CDH23: variants seen among roughly 807,000 people sequenced by gnomAD.
The protein encoded by CDH23 is cadherin-23.
Under a neutral mutation model 317.1 loss-of-function variants are expected in CDH23, and 189 were observed. The observed-to-expected ratio is 0.60, with a 90% CI of 0.53 to 0.67. CDH23 has a LOEUF of 0.67. Among genes scored for constraint, CDH23 ranks in the 30% least tolerant of loss-of-function variants. The probability of loss-of-function intolerance (pLI) is 0.00; values close to 1 mark genes in which losing one functional copy is unlikely to be tolerated. For synonymous variants in CDH23, 1,839 were observed against 1,876.8 expected (o/e 0.98, Z 0.52); for missense variants, 4,401 against 4,592.4 (o/e 0.96, Z 1.20).
intron 3 of CDH23, among the ~76,000 whole-genome samples, chr10:71,498,561 T>C (rs1853101323): frequency 6.6e-6 from 1 of 152,224 alleles, no homozygotes; most frequent in African/African-American, 2.4e-5. Flanking sequence ...TGTTTTATCA[T>C]CAGTGCCTAC....
intron 12 of CDH23, among the ~76,000 whole-genome samples, chr10:71,645,270 C>T (rs1862779828): frequency 6.6e-6 from 1 of 152,222 alleles, no homozygotes; most frequent in Non-Finnish European, 1.5e-5. Flanking sequence ...GATCCCTGGC[C>T]ATTCACATTG....
chr10:71,619,070 C>G (rs913018848), intron 11 of CDH23, among the ~76,000 whole-genome samples: 1 of 152,142 alleles, frequency 6.6e-6, no homozygotes, highest in African/African-American at 2.4e-5. Context: ...CACAGTGGCT[C>G]ACACCTGTAG....
chr10:71,466,750 C>T (rs982453501), intron 3 of CDH23, among the ~76,000 whole-genome samples: 1 of 152,194 alleles, frequency 6.6e-6, no homozygotes, highest in Admixed American at 6.5e-5. Flanking sequence ...AAACACACCT[C>T]TGCCTTCTTG....
At chr10:71,609,605 ACT>A (rs1192062185) in intron 9 of CDH23, among the ~76,000 whole-genome samples, 1 of 151,722 alleles carries the variant, frequency 6.6e-6, no homozygotes, top group Non-Finnish European at 1.5e-5. Flanking sequence ...TCCTTCCCTG[ACT>A]CTGGGCACCC....
intron 38 of CDH23, chr10:71,755,004 G>T: frequency 2.2e-6 from 1 of 450,632 alleles, no homozygotes; most frequent in South Asian, 1.6e-5. Flanking sequence ...TACAAAACAA[G>T]CACGCCCATA....
intron 38 of CDH23, among the ~76,000 whole-genome samples, chr10:71,770,569 C>A (rs1312324447): frequency 6.6e-6 from 1 of 152,236 alleles, no homozygotes. Context: ...GGAGACCAGA[C>A]TGACCCTGGG....
At chr10:71,803,916 C>T (rs1461695418) in intron 55 of CDH23, among the ~76,000 whole-genome samples, 2 of 145,576 alleles carry the variant, frequency 1.4e-5, no homozygotes, top group Non-Finnish European at 3.0e-5. Flanking sequence ...ACCCGGGAGA[C>T]GGAGGTTGCA....
chr10:71,440,161 G>T (rs1366777929), intron 2 of CDH23, among the ~76,000 whole-genome samples: 1 of 152,208 alleles, frequency 6.6e-6, no homozygotes, highest in Non-Finnish European at 1.5e-5. Flanking sequence ...AGCTCTAAGG[G>T]AAGGAGGCAC....
rs1270911127 is a variant in CDH23, at chr10:71,560,374, C to T, written c.430-6368C>T. Among the ~76,000 whole-genome samples the T allele has an allele frequency of 2.0e-5, 3 of 152,086 alleles. No individual in the cohort carries two copies. In the East Asian group the frequency reaches 5.8e-4, roughly 29 times the overall value. ...TTCCTAAGCTCTTTTTTGGCTACAG[C>T]TCCCCACCAAACCTCTGTTCTCTTA... On this transcript the variant is annotated intron_variant, in intron 6 of 69. Transcript: ENST00000224721.
chr10:71,568,709 G>C (rs1857558309), intron 7 of CDH23, among the ~76,000 whole-genome samples: 1 of 152,178 alleles, frequency 6.6e-6, no homozygotes, highest in Non-Finnish European at 1.5e-5. Flanking sequence ...TTCTCGGCCT[G>C]GCATTGCGGG....
At position 71,511,134 on chromosome 10, in the gene CDH23, G is replaced by A. The variant is rs1222740552; in HGVS notation, c.351G>A (p.Lys117=). The change falls in exon 6 of 70, where the codon AAG becomes AAA. Residue 117 remains lysine, a synonymous_variant. Transcript: ENST00000224721. The part of the protein sequence containing the change: ...VSDHQGVITR[K]VNIQVGDVND... The stretch of plus-strand genomic sequence containing the variant: ...TCTCTTGCCAGGTGATCACACGGAA[G>A]GTGAACATCCAGGTTGGGGATGTGA... The A allele has an allele frequency of 1.2e-6, 2 of 1,613,542 alleles. No individual in the cohort carries two copies. The highest frequency in any genetic ancestry group is 1.7e-5 in the Admixed American group (1 of 60,008).
intron 31 of CDH23, among the ~76,000 whole-genome samples, chr10:71,731,501 G>A (rs994735140): frequency 1.3e-5 from 2 of 152,178 alleles, no homozygotes; most frequent in African/African-American, 4.8e-5. Flanking sequence ...TGAATGGTTT[G>A]TTTCAAGGCA....
In CDH23 at chr10:71,813,396, GA is replaced by G. The variant is rs1378921514; in HGVS notation, c.9738+49del. Reference sequence around the variant, plus strand: ...GCTGTGTGCTGTGCCCCAGCCTGGGGATGCTCTCTGTCTCTTGCTGTCCTGC... The same window carrying G: ...GCTGTGTGCTGTGCCCCAGCCTGGGGTGCTCTCTGTCTCTTGCTGTCCTGC... On this transcript the variant is annotated intron_variant, in intron 69 of 69. Coordinates refer to ENST00000224721, the MANE Select transcript of CDH23 (RefSeq NM_022124.6). 2.7e-6 allele frequency: 4 copies of G among 1,456,648 alleles called. No individual in the cohort carries two copies. The Admixed American group carries it at 7.9e-5, about 29-fold the overall frequency. The allele number at this position is 1,456,648 out of a possible 1,614,324, so 90.2% of individuals were successfully genotyped here. A position where few individuals can be genotyped will look rare whatever the true frequency, so the allele number is the denominator to read the frequency against.
intron 9 of CDH23, among the ~76,000 whole-genome samples, chr10:71,612,094 T>C (rs1206639089): frequency 6.6e-6 from 1 of 152,138 alleles, no homozygotes; most frequent in African/African-American, 2.4e-5. Context: ...TCTCACTGAG[T>C]CAGTCCTCTC....
At chr10:71,631,679 C>T (rs751744759) in intron 11 of CDH23, among the ~76,000 whole-genome samples, 2 of 152,184 alleles carry the variant, frequency 1.3e-5, no homozygotes, top group African/African-American at 2.4e-5. Context: ...TCCTCTTGGC[C>T]CTTTTCTCTC....
At chr10:71,629,995 T>C (rs1182835799) in intron 11 of CDH23, among the ~76,000 whole-genome samples, 1 of 152,188 alleles carries the variant, frequency 6.6e-6, no homozygotes, top group African/African-American at 2.4e-5. Context: ...ATATGAATTG[T>C]ATCTCCATTT....
intron 14 of CDH23, among the ~76,000 whole-genome samples, chr10:71,659,204 G>C (rs1385773474): frequency 3.9e-5 from 6 of 152,230 alleles, no homozygotes; most frequent in African/African-American, 1.4e-4. Context: ...ATGGGCAGCT[G>C]TACAAGTGGC....
intron 1 of CDH23, among the ~76,000 whole-genome samples, chr10:71,439,548 C>A (rs1464918191): frequency 6.6e-6 from 1 of 152,214 alleles, no homozygotes; most frequent in Non-Finnish European, 1.5e-5. Flanking sequence ...GCAGGACAGC[C>A]AGTCCCCCAG....
At chr10:71,675,259 A>G (rs1417580957) in intron 15 of CDH23, 83 bp downstream of exon 15, 181 of 1,210,866 alleles carry the variant, frequency 1.5e-4, no homozygotes, top group Non-Finnish European at 1.7e-4. Context: ...GGAACTTTTC[A>G]GTGCCCAGGG....
Sources: gnomAD v4.1 joint callset for allele counts (sites outside exome capture counted in the v4.1 genomes callset) on GRCh38, gnomAD v4.1.1 for gene constraint, MANE v1.5 for transcripts, NCBI Gene and HGNC (gene_info 2026-07-23, HGNC 2026-07-21) for gene names.